The following GREB1 variants were observed in gnomAD, a reference collection of about 807,000 sequenced individuals.
The protein encoded by GREB1 is growth regulating estrogen receptor binding 1.
Under a neutral mutation model 200.7 loss-of-function variants are expected in GREB1, and 106 were observed. The ratio of observed to expected loss-of-function variants is 0.53; its 90% CI spans 0.45 to 0.62. GREB1 has a LOEUF of 0.62. Ranked by LOEUF, GREB1 falls within the 20% of genes least tolerant of loss-of-function variation. The pLI, the probability that GREB1 is intolerant of heterozygous loss-of-function variation, is 0.00. For synonymous variants in GREB1, 1,132 were observed against 1,092.4 expected, an observed-to-expected ratio of 1.04 and a Z score of -0.72; for missense variants, 2,243 against 2,556.8, an observed-to-expected ratio of 0.88 and a Z score of 2.65.
chr2:11,603,046 G>A (rs1164586846), intron 17 of GREB1, among the ~76,000 whole-genome samples: 2 of 152,266 alleles, frequency 1.3e-5, no homozygotes, highest in Admixed American at 6.5e-5. Flanking sequence ...GCTTGGAGAG[G>A]CCCCATAGCT....
chr2:11,501,633 A>G (rs1279863997), intron 1 of GREB1, among the ~76,000 whole-genome samples: 1 of 151,918 alleles, frequency 6.6e-6, no homozygotes, highest in Non-Finnish European at 1.5e-5. Context: ...ACCTCAGGTG[A>G]TACACCTGCC....
chr2:11,496,519 G>GCCCC (rs1266185067), intron 1 of GREB1, among the ~76,000 whole-genome samples: 2 of 68,822 alleles, frequency 2.9e-5, no homozygotes, highest in Admixed American at 1.4e-4. Context: ...CACCCCGCCC[G>GCCCC]CCCCCCCGTC....
chr2:11,587,953 C>T (rs927502027), intron 9 of GREB1: 9 of 991,836 alleles, frequency 9.1e-6, no homozygotes, highest in East Asian at 1.1e-4. Context: ...GGGCTGGGCA[C>T]GGTGGCTCAC....
chr2:11,548,331 G>C lies in GREB1; in HGVS notation c.-161-8123G>C, dbSNP rs529685856. ...ATATGCACACACACGCACACACCCA[G>C]ACACGTGCACACATGCATATACCCC... On this transcript the variant is annotated intron_variant, in intron 1 of 32. Coordinates refer to ENST00000381486, the MANE Select transcript of GREB1 (RefSeq NM_014668.4). This position sits in a 1 kb window ranked among gnomAD's most constrained non-coding sequence, Gnocchi z 5.1. 6.9e-6 allele frequency among the ~76,000 whole-genome samples: 1 copy of C among 144,702 alleles called. No individual in the cohort carries two copies. The highest frequency in any genetic ancestry group is 2.9e-5 in the African/African-American group (1 of 34,740). 94.9% of individuals were successfully genotyped at this position (144,702 alleles called of 152,430 possible). A position where few individuals can be genotyped will look rare whatever the true frequency, so the allele number is the denominator to read the frequency against.
chr2:11,576,221 C>G, intron 4 of GREB1, 132 bp from the exon 5 acceptor site: 1 of 691,942 alleles, frequency 1.4e-6, no homozygotes, highest in Non-Finnish European at 2.5e-6. Context: ...GCAGGAGAAT[C>G]ACTTGAACCT....
chr2:11,601,137 G>C lies in GREB1; in HGVS notation c.2529+142G>C, dbSNP rs534297576. The C allele has an allele frequency of 7.6e-6, 5 of 654,100 alleles. No homozygotes were observed. In the East Asian group the frequency reaches 8.5e-5, roughly 11 times the overall value. 40.5% of individuals were successfully genotyped at this position (654,100 alleles called of 1,614,324 possible). On this transcript the variant is annotated intron_variant, in intron 16 of 32. Transcript: ENST00000381486. ...GATCTTTGGTTCAACCCAGAGTTAG[G>C]TTGTAAACCCTTCTTGGTCTTTTTG... is the stretch of plus-strand genomic sequence containing the variant.
intron 10 of GREB1, among the ~76,000 whole-genome samples, chr2:11,590,177 G>A (rs1030385742): frequency 1.3e-5 from 2 of 152,068 alleles, no homozygotes; most frequent in Non-Finnish European, 1.5e-5. Context: ...CAGCATTGTC[G>A]CTCTTTCTCA....
intron 9 of GREB1, among the ~76,000 whole-genome samples, chr2:11,586,202 C>T (rs1680071594): frequency 6.6e-6 from 1 of 152,240 alleles, no homozygotes; most frequent in Admixed American, 6.5e-5. Flanking sequence ...GTTTGCTCAG[C>T]TTCATTGAGC....
In GREB1 at chr2:11,642,522, G is replaced by C. The variant is rs1409808706; in HGVS notation, c.*2068G>C. On this transcript the variant is annotated 3_prime_UTR_variant, in exon 33 of 33. Coordinates refer to ENST00000381486, the MANE Select transcript of GREB1 (RefSeq NM_014668.4). ...AATGATTGTAAAAGATGATGCCGAA[G>C]AGTTGATGTCAATCTTTTTTTCCTA... The C allele has an allele frequency of 6.6e-6, 1 of 152,156 alleles. No individual in the cohort carries two copies. The highest frequency in any genetic ancestry group is 1.5e-5 in the Non-Finnish European group (1 of 68,034). The allele number at this position is 152,156 out of a possible 1,614,324, so 9.4% of individuals were successfully genotyped here. A position where few individuals can be genotyped will look rare whatever the true frequency, so the allele number is the denominator to read the frequency against.
At position 11,492,317 on chromosome 2, in the gene GREB1, C is replaced by G. The variant is rs1440438508; in HGVS notation, c.-159+9936C>G. Among the ~76,000 whole-genome samples, 1 of 152,214 alleles carries G rather than the reference C, an allele frequency of 6.6e-6. No homozygotes were observed. The highest frequency in any genetic ancestry group is 6.5e-5 in the Admixed American group (1 of 15,290). On this transcript the variant is annotated intron_variant, in intron 1 of 2. Transcript: ENST00000628795. This position sits in a 1 kb window ranked among gnomAD's most constrained non-coding sequence, Gnocchi z 4.0. ...AAAAACATCCCTCATTCTTTCTTCT[C>G]CAAACCCTCAGTGTGCTCTATCAAG...
chr2:11,627,824 T>G (rs1336476560), intron 25 of GREB1, among the ~76,000 whole-genome samples: 1 of 152,178 alleles, frequency 6.6e-6, no homozygotes. Context: ...ACACTAAAAT[T>G]TCATTGTCCC....
chr2:11,554,633 C>T (rs1186328603), intron 1 of GREB1, among the ~76,000 whole-genome samples: 1 of 152,194 alleles, frequency 6.6e-6, no homozygotes, highest in African/African-American at 2.4e-5. Flanking sequence ...CATTTCAGTG[C>T]AGGCATCTGG....
At chr2:11,557,197 CA>C (rs11320037) in intron 2 of GREB1, among the ~76,000 whole-genome samples, 8,229 of 152,178 alleles carry the variant, frequency 0.054, 766 homozygotes, top group African/African-American at 0.19. Flanking sequence ...TTTTAAAAAC[CA>C]AAAGCAAACA....
intron 14 of GREB1, 88 bp from the exon 15 acceptor site, chr2:11,598,592 T>A (rs1333173414): frequency 3.5e-6 from 4 of 1,156,716 alleles, no homozygotes; most frequent in Non-Finnish European, 5.1e-6. Context: ...GGACCTGCTG[T>A]GTAGGAGTCG....
In GREB1 at chr2:11,632,023, G is replaced by A. The variant is rs1180449142; in HGVS notation, c.4726G>A (p.Val1576Ile). 5 of 1,614,056 alleles carry A rather than the reference G, an allele frequency of 3.1e-6. No homozygotes were observed. Among genetic ancestry groups the A allele is most frequent in the Non-Finnish European group, 3.4e-6 (4 of 1,179,918 alleles). The change falls in exon 27 of 33, where the codon GTC becomes ATC. Residue 1576 changes from valine (V) to isoleucine (I), a missense_variant. By Grantham distance (29) the Val-to-Ile change is conservative. Transcript: ENST00000381486. ...TGCCAGCCATTTGCACGTGCTGGTT[G>A]TCAAGGAATACGAGATGGCAATTTA... ...DGASHLHVLVVKEYEMAIYKK... is the reference protein window; with the variant it reads ...DGASHLHVLVIKEYEMAIYKK...
At chr2:11,631,588 G>A (rs922747431) in intron 26 of GREB1, among the ~76,000 whole-genome samples, 2 of 152,130 alleles carry the variant, frequency 1.3e-5, no homozygotes, top group Non-Finnish European at 2.9e-5. Context: ...GGTTGTCTGC[G>A]GGCTGGCTGG....
chr2:11,568,554 A>G (rs1379154551), intron 4 of GREB1, among the ~76,000 whole-genome samples: 1 of 152,290 alleles, frequency 6.6e-6, no homozygotes, highest in African/African-American at 2.4e-5. Flanking sequence ...CTGAACGCTT[A>G]CGACAGTCGC....
At chr2:11,521,116 CT>C (rs545146965) in intron 1 of GREB1, among the ~76,000 whole-genome samples, 1 of 151,308 alleles carries the variant, frequency 6.6e-6, no homozygotes, top group African/African-American at 2.4e-5. Context: ...TCTTCTTTGT[CT>C]TTTTTTTTGA....
At chr2:11,486,254 C>T (rs1312336606) in intron 1 of GREB1, among the ~76,000 whole-genome samples, 1 of 152,098 alleles carries the variant, frequency 6.6e-6, no homozygotes, top group Non-Finnish European at 1.5e-5. Context: ...AATGGAGAGT[C>T]TTGGAATCTA....
Sources: gnomAD v4.1 joint callset for allele counts (sites outside exome capture counted in the v4.1 genomes callset) on GRCh38, gnomAD v4.1.1 for gene constraint, Gnocchi (gnomAD v3.1) non-coding constraint, MANE v1.5 for transcripts, NCBI Gene and HGNC (gene_info 2026-07-23, HGNC 2026-07-21) for gene names.